SENP1: variants seen among roughly 807,000 people sequenced by gnomAD.
The protein encoded by SENP1 is sentrin-specific protease 1.
In SENP1, 21 loss-of-function variants were observed where a neutral mutation model predicts 93.0. The ratio of observed to expected loss-of-function variants is 0.23; its 90% CI spans 0.16 to 0.33. The LOEUF is 0.33. Ranked by LOEUF, SENP1 falls within the 10% of genes least tolerant of loss-of-function variation. The probability of loss-of-function intolerance (pLI) is 1.00; values close to 1 mark genes in which losing one functional copy is unlikely to be tolerated. For synonymous variants in SENP1, 256 were observed against 259.6 expected, an observed-to-expected ratio of 0.99 and a Z score of 0.13; for missense variants, 591 against 758.7, an observed-to-expected ratio of 0.78 and a Z score of 2.60.
chr12:48,047,667 A>C (rs1352096752), intron 15 of SENP1, among the ~76,000 whole-genome samples: 2 of 152,164 alleles, frequency 1.3e-5, no homozygotes, highest in African/African-American at 4.8e-5. Context: ...TGAGCCACTA[A>C]CTAATAGGAC....
rs1413938341 is a variant in SENP1 at position 48,083,493 on chromosome 12, G to A, written c.552+98C>T. The A allele has an allele frequency of 3.2e-6, 3 of 933,706 alleles. No homozygotes were observed. In the Admixed American group the frequency reaches 7.7e-5, roughly 24 times the overall value. 57.8% of individuals were successfully genotyped at this position (933,706 alleles called of 1,614,324 possible). Reference sequence around the variant, plus strand: ...GAAAAAGCACAGGAAGGATAAAATAGAATGGTTCTTAAACAACTAATTATT... The same window carrying A: ...GAAAAAGCACAGGAAGGATAAAATAAAATGGTTCTTAAACAACTAATTATT... On this transcript the variant is annotated intron_variant, in intron 6 of 17. Transcript: ENST00000549518.
chr12:48,053,120 T>G (rs1344186067), intron 13 of SENP1, among the ~76,000 whole-genome samples: 1 of 152,136 alleles, frequency 6.6e-6, no homozygotes, highest in African/African-American at 2.4e-5. Flanking sequence ...GGAAAAATTA[T>G]CAAACTATGA....
intron 6 of SENP1, among the ~76,000 whole-genome samples, chr12:48,076,696 G>A (rs377004841): frequency 2.3e-4 from 35 of 150,124 alleles, no homozygotes; most frequent in African/African-American, 7.4e-4. Flanking sequence ...AGGCTGGAGC[G>A]CAGTGGCACG....
intron 2 of SENP1, among the ~76,000 whole-genome samples, chr12:48,100,452 G>GA (rs1264336942): frequency 6.6e-6 from 1 of 152,098 alleles, no homozygotes; most frequent in African/African-American, 2.4e-5. Flanking sequence ...CCAACATGGC[G>GA]AAACCCCATC....
intron 17 of SENP1, among the ~76,000 whole-genome samples, chr12:48,046,024 C>A (rs1351881498): frequency 6.6e-6 from 1 of 152,102 alleles, no homozygotes; most frequent in African/African-American, 2.4e-5. Flanking sequence ...AACCTGACTA[C>A]TAACGAAATG....
intron 6 of SENP1, among the ~76,000 whole-genome samples, chr12:48,081,747 G>A (rs909654905): frequency 1.3e-5 from 2 of 151,080 alleles, no homozygotes; most frequent in Non-Finnish European, 3.0e-5. Flanking sequence ...ATTTTTTTTT[G>A]TAGAGACAGG....
intron 13 of SENP1, among the ~76,000 whole-genome samples, chr12:48,054,246 C>A (rs925911126): frequency 6.6e-6 from 1 of 152,160 alleles, no homozygotes; most frequent in African/African-American, 2.4e-5. Context: ...TTGTCTATTT[C>A]TCCTTTCAGT....
intron 1 of SENP1, chr12:48,105,277 G>C (rs1946418160): frequency 2.2e-6 from 1 of 451,876 alleles, no homozygotes; most frequent in Admixed American, 2.4e-5. Flanking sequence ...CTGCTAACAA[G>C]ATAGTGGAAA....
intron 6 of SENP1, among the ~76,000 whole-genome samples, chr12:48,078,430 C>A (rs2137085128): frequency 6.6e-6 from 1 of 150,506 alleles, no homozygotes; most frequent in Admixed American, 6.6e-5. Context: ...CATACACATA[C>A]ACTGTATTCA....
intron 13 of SENP1, among the ~76,000 whole-genome samples, chr12:48,058,722 G>GA (rs1942755236): frequency 6.6e-6 from 1 of 152,228 alleles, no homozygotes; most frequent in South Asian, 2.1e-4. Context: ...CTAGAGGTAT[G>GA]AAAAAATGAG....
At chr12:48,088,396 A>G (rs1039504068) in intron 5 of SENP1, among the ~76,000 whole-genome samples, 3 of 152,200 alleles carry the variant, frequency 2.0e-5, no homozygotes, top group African/African-American at 7.2e-5. Context: ...AGCTTGGTCT[A>G]CTTGACTAAT....
At chr12:48,081,543 C>T (rs1944488917) in intron 6 of SENP1, 1 of 151,726 alleles carries the variant, frequency 6.6e-6, no homozygotes, top group Admixed American at 6.6e-5. Context: ...GTTCTGCCAC[C>T]CTCCACTTGA....
chr12:48,058,735 C>A (rs1368700835), intron 13 of SENP1, among the ~76,000 whole-genome samples: 1 of 152,134 alleles, frequency 6.6e-6, no homozygotes, highest in Non-Finnish European at 1.5e-5. Flanking sequence ...AAAATGAGAG[C>A]AATTCCACTC....
At chr12:48,099,413 T>C (rs1394838229) in intron 2 of SENP1, among the ~76,000 whole-genome samples, 2 of 152,122 alleles carry the variant, frequency 1.3e-5, no homozygotes, top group African/African-American at 2.4e-5. Context: ...ATTTTAACTA[T>C]AGAAAAAATT....
chr12:48,051,917 C>A (rs1487268848), intron 13 of SENP1, among the ~76,000 whole-genome samples: 1 of 152,230 alleles, frequency 6.6e-6, no homozygotes, highest in Admixed American at 6.5e-5. Context: ...TAACTGTCAA[C>A]ATTAGTCCAC....
chr12:48,065,298 A>C lies in SENP1; in HGVS notation c.1120-78T>G, dbSNP rs1943223504. On this transcript the variant is annotated intron_variant, in intron 11 of 17. Transcript: ENST00000549518. The stretch of plus-strand genomic sequence containing the variant: ...TTGATTTATGATAGGGTTATGTCCC[A>C]ATAAACCTGTCATAAGTCAAAGAGC... The C allele has an allele frequency of 3.5e-6, 4 of 1,158,140 alleles. No individual in the cohort carries two copies. The South Asian group carries it at 6.2e-5, about 18-fold the overall frequency. 71.7% of individuals were successfully genotyped at this position (1,158,140 alleles called of 1,614,324 possible).
At chr12:48,067,006 G>A (rs1337197282) in intron 9 of SENP1, 41 bp from the exon 10 acceptor site, 1 of 1,320,730 alleles carries the variant, frequency 7.6e-7, no homozygotes, top group Admixed American at 2.1e-5. Flanking sequence ...TGAGCAGGAG[G>A]CTTATGAGAA....
chr12:48,060,843 C>T (rs146084611), intron 13 of SENP1, among the ~76,000 whole-genome samples: 1 of 152,296 alleles, frequency 6.6e-6, no homozygotes, highest in East Asian at 1.9e-4. Flanking sequence ...TCCCCATCTA[C>T]GGTGTCTTGA....
At chr12:48,068,917 C>G (rs777907186) in intron 9 of SENP1, among the ~76,000 whole-genome samples, 1 of 151,838 alleles carries the variant, frequency 6.6e-6, no homozygotes, top group Non-Finnish European at 1.5e-5. Flanking sequence ...CTTTGGGAGG[C>G]TGAGGTGGGT....
Sources: gnomAD v4.1 joint callset for allele counts (sites outside exome capture counted in the v4.1 genomes callset) on GRCh38, gnomAD v4.1.1 for gene constraint, MANE v1.5 for transcripts, NCBI Gene and HGNC (gene_info 2026-07-23, HGNC 2026-07-21) for gene names.